The following ENPP1 variants were observed in gnomAD, a reference collection of about 807,000 sequenced individuals.
The protein encoded by ENPP1 is ectonucleotide pyrophosphatase/phosphodiesterase family member 1.
ENPP1 carries 73 observed loss-of-function variants against 122.8 expected under a neutral mutation model. The observed-to-expected ratio is 0.59, with a 90% CI of 0.49 to 0.72. The LOEUF (loss-of-function observed/expected upper bound fraction) is 0.72, where lower values mean the gene tolerates loss of function less well. Ranked by LOEUF, ENPP1 falls within the 30% of genes least tolerant of loss-of-function variation. ENPP1 has a pLI of 0.00. For synonymous variants in ENPP1, 367 were observed against 391.6 expected, an observed-to-expected ratio of 0.94 and a Z score of 0.74; for missense variants, 978 against 1,128.1, an observed-to-expected ratio of 0.87 and a Z score of 1.91.
chr6:131,863,525 A>T (rs1782049729), intron 9 of ENPP1, among the ~76,000 whole-genome samples: 1 of 152,118 alleles, frequency 6.6e-6, no homozygotes. Flanking sequence ...TTGTGATCTT[A>T]TGCTAGTTAG....
intron 19 of ENPP1, among the ~76,000 whole-genome samples, chr6:131,879,520 CAT>C (rs1261061371): frequency 6.6e-6 from 1 of 152,070 alleles, no homozygotes; most frequent in Non-Finnish European, 1.5e-5. Context: ...TCCAAGTACA[CAT>C]ATCATTAAAA....
intron 17 of ENPP1, among the ~76,000 whole-genome samples, chr6:131,876,071 G>A (rs888137223): frequency 6.6e-6 from 1 of 152,130 alleles, no homozygotes; most frequent in African/African-American, 2.4e-5. Flanking sequence ...GCTGCTTGCT[G>A]GTTAAAGTAC....
chr6:131,887,166 T>A (rs1454417666), intron 24 of ENPP1, among the ~76,000 whole-genome samples: 3 of 152,112 alleles, frequency 2.0e-5, no homozygotes, highest in Non-Finnish European at 4.4e-5. Flanking sequence ...TCTCTTTTTT[T>A]AAAACTGGAT....
In ENPP1 at chr6:131,883,687, T is replaced by C; in HGVS notation, c.2231-7T>C. On this transcript the variant is annotated splice_region_variant and splice_polypyrimidine_tract_variant and intron_variant, in intron 21 of 24. Coordinates refer to ENST00000647893, the MANE Select transcript of ENPP1 (RefSeq NM_006208.3). Reference sequence around the variant, plus strand: ...AATGAAAAAGTTGTCCTCTTTTCTCTTTGTAGAACTAAATAAAAATTCAAG... The same window carrying C: ...AATGAAAAAGTTGTCCTCTTTTCTCCTTGTAGAACTAAATAAAAATTCAAG... 7.8e-7 allele frequency: 1 copy of C among 1,289,428 alleles called. No individual in the cohort carries two copies. The highest frequency in any genetic ancestry group is 1.2e-5 in the South Asian group (1 of 83,622). The allele number at this position is 1,289,428 out of a possible 1,614,324, so 79.9% of individuals were successfully genotyped here. A position where few individuals can be genotyped will look rare whatever the true frequency, so the allele number is the denominator to read the frequency against.
intron 15 of ENPP1, among the ~76,000 whole-genome samples, chr6:131,873,981 A>G (rs1311320034): frequency 1.3e-5 from 2 of 152,224 alleles, no homozygotes; most frequent in East Asian, 1.9e-4. Context: ...AGTTAAATCT[A>G]TCTAAACTCA....
Position 131,832,897 on chromosome 6 carries a change from C to T in ENPP1, c.241-14879C>T, listed in dbSNP as rs554822737. ...AGCAAGTATTCCAGTGATGGGTCTACATAAGTTTAAAATAATTGGATAGTA... is the reference window on the plus strand; with the variant it reads ...AGCAAGTATTCCAGTGATGGGTCTATATAAGTTTAAAATAATTGGATAGTA... On this transcript the variant is annotated intron_variant, in intron 1 of 24. Transcript: ENST00000647893. Among the ~76,000 whole-genome samples the T allele has an allele frequency of 1.8e-3, 270 of 152,282 alleles. 1 individual carries two copies. Among genetic ancestry groups the T allele is most frequent in the African/African-American group, 5.9e-3 (245 of 41,562 alleles).
chr6:131,829,328 G>C (rs759702101), intron 1 of ENPP1, among the ~76,000 whole-genome samples: 1 of 152,198 alleles, frequency 6.6e-6, no homozygotes, highest in Non-Finnish European at 1.5e-5. Context: ...TGCTGCAAAA[G>C]AGACCAACTA....
Position 131,845,043 on chromosome 6 carries a change from G to GTTTT in ENPP1, c.241-2707_241-2704dup, listed in dbSNP as rs142380855. On this transcript the variant is annotated intron_variant, in intron 1 of 24. Coordinates refer to ENST00000647893, the MANE Select transcript of ENPP1 (RefSeq NM_006208.3). ...ATAAATACAATTTCAATTCTTCATG[G>GTTTT]TTTTTTTTTTTTTTTTTTTTTTTTT... Among the ~76,000 whole-genome samples the GTTTT allele has an allele frequency of 6.2e-3, 527 of 84,946 alleles. 40 individuals are homozygous for GTTTT. The highest frequency in any genetic ancestry group is 0.014 in the African/African-American group (273 of 19,854). 55.7% of individuals were successfully genotyped at this position (84,946 alleles called of 152,430 possible).
chr6:131,863,995 T>C (rs1177325950), intron 9 of ENPP1, among the ~76,000 whole-genome samples: 1 of 152,122 alleles, frequency 6.6e-6, no homozygotes, highest in African/African-American at 2.4e-5. Flanking sequence ...CTTTTTAAGA[T>C]TTAGTAGAGT....
intron 13 of ENPP1, among the ~76,000 whole-genome samples, chr6:131,871,788 T>C (rs966536228): frequency 6.6e-6 from 1 of 152,148 alleles, no homozygotes. Flanking sequence ...GTTAGGTGGA[T>C]GAATGGATAT....
intron 6 of ENPP1, among the ~76,000 whole-genome samples, chr6:131,855,331 T>C (rs1479477036): frequency 6.6e-6 from 1 of 152,146 alleles, no homozygotes; most frequent in Non-Finnish European, 1.5e-5. Context: ...ATTTTACAAA[T>C]ATTATTATTT....
At chr6:131,885,803 T>C (rs1782370207) in intron 23 of ENPP1, among the ~76,000 whole-genome samples, 1 of 152,176 alleles carries the variant, frequency 6.6e-6, no homozygotes, top group African/African-American at 2.4e-5. Context: ...GTTTTTTACT[T>C]TCCCTTGAGG....
chr6:131,835,549 ATTTT>A (rs1189323129), intron 1 of ENPP1, among the ~76,000 whole-genome samples: 1 of 152,112 alleles, frequency 6.6e-6, no homozygotes, highest in Non-Finnish European at 1.5e-5. Flanking sequence ...GTTTATTTTT[ATTTT>A]TATTATTTTT....
chr6:131,841,743 C>T (rs1296840231), intron 1 of ENPP1, among the ~76,000 whole-genome samples: 1 of 152,136 alleles, frequency 6.6e-6, no homozygotes, highest in Non-Finnish European at 1.5e-5. Context: ...TAGTCAGAGA[C>T]AGACAAATCT....
At chr6:131,872,820 T>TTA in intron 14 of ENPP1, 103 bp from the exon 15 acceptor site, 1 of 1,172,888 alleles carries the variant, frequency 8.5e-7, no homozygotes, top group Non-Finnish European at 1.2e-6. Context: ...TTTATAGATA[T>TTA]TAGGGAAATA....
chr6:131,877,961 AAG>A (rs1782256834), intron 18 of ENPP1: 1 of 147,572 alleles, frequency 6.8e-6, no homozygotes, highest in Non-Finnish European at 1.5e-5. Flanking sequence ...GTTAGAATAG[AAG>A]AAAGACTGTT....
rs369344925 is a variant in ENPP1 at position 131,860,516 on chromosome 6, T to C, written c.915+10T>C. 4.3e-5 allele frequency: 68 copies of C among 1,581,116 alleles called. No individual in the cohort carries two copies. Among genetic ancestry groups the C allele is most frequent in the Admixed American group, 1.7e-4 (10 of 59,856 alleles). On this transcript the variant is annotated intron_variant, in intron 8 of 24. Coordinates refer to ENST00000647893, the MANE Select transcript of ENPP1 (RefSeq NM_006208.3). ...GTACAAAGGAGAACCAGTGAGTTCT[T>C]TGTTTTTCTACTAAAATAGTTAATT... is the stretch of plus-strand genomic sequence containing the variant.
In ENPP1 at chr6:131,849,980, A is replaced by AT. The variant is rs746204821; in HGVS notation, c.314-4dup. ...TTAGAAACATCTGACTTATCGTTCA[A>AT]TTTTTTCAGTTAAAAGTTGCAAAGG... is the stretch of plus-strand genomic sequence containing the variant. On this transcript the variant is annotated splice_polypyrimidine_tract_variant and intron_variant, in intron 2 of 24. Transcript: ENST00000647893. 9.4e-6 allele frequency: 15 copies of AT among 1,591,554 alleles called. No homozygotes were observed. The highest frequency in any genetic ancestry group is 5.0e-5 in the Admixed American group (3 of 59,944).
intron 7 of ENPP1, among the ~76,000 whole-genome samples, chr6:131,859,715 C>T (rs1781993312): frequency 6.6e-6 from 1 of 152,072 alleles, no homozygotes; most frequent in African/African-American, 2.4e-5. Context: ...TTTACACAGC[C>T]CTCCATATTT....
Sources: gnomAD v4.1 joint callset for allele counts (sites outside exome capture counted in the v4.1 genomes callset) on GRCh38, gnomAD v4.1.1 for gene constraint, MANE v1.5 for transcripts, NCBI Gene and HGNC (gene_info 2026-07-23, HGNC 2026-07-21) for gene names.